Variants in DGAT2 observed in about 807,000 individuals in gnomAD.
DGAT2 encodes the protein diacylglycerol O-acyltransferase 2.
In DGAT2, 33 loss-of-function variants were observed where a neutral mutation model predicts 48.4. The observed-to-expected ratio is 0.68, with a 90% CI of 0.52 to 0.91. The LOEUF (loss-of-function observed/expected upper bound fraction) is 0.91, where lower values mean the gene tolerates loss of function less well. Ranked by LOEUF, DGAT2 falls within the 40% of genes least tolerant of loss-of-function variation. DGAT2 has a pLI of 0.00. For missense variants in DGAT2, 446 were observed against 493.7 expected (o/e 0.90, Z 0.92); for synonymous variants, 191 against 194.1 (o/e 0.98, Z 0.13).
chr11:75,771,652 C>G (rs1027133931), intron 1 of DGAT2, among the ~76,000 whole-genome samples: 4 of 152,122 alleles, frequency 2.6e-5, no homozygotes, highest in Admixed American at 2.6e-4. Context: ...TGAGGGTTGA[C>G]AGTCACCTAA....
intron 1 of DGAT2, among the ~76,000 whole-genome samples, chr11:75,781,139 T>G (rs1944858527): frequency 6.6e-6 from 1 of 152,210 alleles, no homozygotes; most frequent in Non-Finnish European, 1.5e-5. Context: ...GGGTCTGACT[T>G]TATCTTCAAA....
intron 1 of DGAT2, among the ~76,000 whole-genome samples, chr11:75,780,935 G>C (rs1944856835): frequency 6.6e-6 from 1 of 152,236 alleles, no homozygotes; most frequent in African/African-American, 2.4e-5. Context: ...AACTCCGGGG[G>C]CCTGAAGAGT....
chr11:75,770,362 G>T (rs772615089), intron 1 of DGAT2, among the ~76,000 whole-genome samples: 3 of 151,988 alleles, frequency 2.0e-5, no homozygotes, highest in South Asian at 2.1e-4. Flanking sequence ...GGTGCTGCTC[G>T]TAGCCCTTGA....
chr11:75,797,056 G>A (rs1254946376), intron 5 of DGAT2, 102 bp from the exon 6 acceptor site: 2 of 1,230,880 alleles, frequency 1.6e-6, no homozygotes, highest in Non-Finnish European at 2.2e-6. Context: ...TAGGTCTGGG[G>A]CCCAGGTCCA....
rs2135753570 is a variant in DGAT2 at position 75,768,799 on chromosome 11, G to C, written c.-193G>C. ...CAGCGCCGCGGCTGCCGCCTCTGCT[G>C]GGGTCTAGGCTGTTTCTCTCGCGCC... On this transcript the variant is annotated 5_prime_UTR_variant, in exon 1 of 8. Coordinates refer to ENST00000228027, the MANE Select transcript of DGAT2 (RefSeq NM_032564.5). 1.7e-6 allele frequency: 1 copy of C among 584,694 alleles called. No individual in the cohort carries two copies. Among genetic ancestry groups the C allele is most frequent in the Non-Finnish European group, 2.6e-6 (1 of 388,430 alleles). The allele number at this position is 584,694 out of a possible 1,614,324, so 36.2% of individuals were successfully genotyped here.
chr11:75,781,314 C>G (rs763765793), intron 1 of DGAT2, among the ~76,000 whole-genome samples: 1 of 152,230 alleles, frequency 6.6e-6, no homozygotes, highest in Non-Finnish European at 1.5e-5. Context: ...ATTGCTTTAT[C>G]TCATTATCAG....
At chr11:75,799,640 G>A (rs1945091478) in intron 7 of DGAT2, among the ~76,000 whole-genome samples, 1 of 151,008 alleles carries the variant, frequency 6.6e-6, no homozygotes, top group South Asian at 2.1e-4. Flanking sequence ...TTGAGACAGG[G>A]TCTCATTCTG....
chr11:75,798,393 G>A lies in DGAT2; in HGVS notation c.976G>A (p.Gly326Arg). 6.2e-7 allele frequency: 1 copy of A among 1,613,738 alleles called. No homozygotes were observed. Among genetic ancestry groups the A allele is most frequent in the Non-Finnish European group, 8.5e-7 (1 of 1,180,022 alleles). ...GRGLFSSDTW[G>R]LVPYSKPITT... ...AGGCCTCTTCTCCTCCGACACCTGG[G>A]GGCTGGTGCCCTACTCCAAGCCCAT... The change falls in exon 7 of 8, where the codon GGG (glycine) becomes AGG (arginine). Residue 326 changes from glycine to arginine, a missense_variant. By Grantham distance (125) the Gly-to-Arg change is moderately radical. Transcript: ENST00000228027.
intron 7 of DGAT2, among the ~76,000 whole-genome samples, chr11:75,799,625 T>A (rs959881814): frequency 3.3e-5 from 5 of 151,776 alleles, no homozygotes; most frequent in Non-Finnish European, 7.4e-5. Flanking sequence ...TTTTTTTTTT[T>A]ATTTTTGAGA....
chr11:75,791,521 A>C (rs1944990312), intron 4 of DGAT2, among the ~76,000 whole-genome samples: 1 of 152,218 alleles, frequency 6.6e-6, no homozygotes, highest in South Asian at 2.1e-4. Flanking sequence ...TTTTGGAGGT[A>C]AAGAAACTGA....
chr11:75,790,036 T>C, intron 2 of DGAT2, 152 bp from the exon 3 acceptor site: 1 of 657,418 alleles, frequency 1.5e-6, no homozygotes, highest in Non-Finnish European at 2.7e-6. Flanking sequence ...GGCTGAACAT[T>C]CCTGTAGCTA....
chr11:75,800,789 C>A lies in DGAT2; in HGVS notation c.*281C>A. 1 of 366,150 alleles carries A rather than the reference C, an allele frequency of 2.7e-6. No homozygotes were observed. Among genetic ancestry groups the A allele is most frequent in the Non-Finnish European group, 5.0e-6 (1 of 199,306 alleles). The allele number at this position is 366,150 out of a possible 1,614,324, so 22.7% of individuals were successfully genotyped here. ...CCTTCCTGAAGTGACAAAGGAAACT[C>A]AGTCTTCTTGGGGAAGAAGGATTGC... On this transcript the variant is annotated 3_prime_UTR_variant, in exon 8 of 8. Coordinates refer to ENST00000228027, the MANE Select transcript of DGAT2 (RefSeq NM_032564.5).
At chr11:75,775,390 T>G (rs979329500) in intron 1 of DGAT2, among the ~76,000 whole-genome samples, 2 of 152,242 alleles carry the variant, frequency 1.3e-5, no homozygotes, top group African/African-American at 4.8e-5. Context: ...CTCCAGTAGT[T>G]TGGCTTCCCC....
intron 1 of DGAT2, among the ~76,000 whole-genome samples, chr11:75,780,647 GC>G (rs1944852155): frequency 6.6e-6 from 1 of 152,136 alleles, no homozygotes. Flanking sequence ...TCCCCTTCCA[GC>G]TCCCCACCAC....
At position 75,768,839 on chromosome 11, in the gene DGAT2, G is replaced by A; in HGVS notation, c.-153G>A. The stretch of plus-strand genomic sequence containing the variant: ...TCTCTCGCGCCACCACTGGCCGCCG[G>A]CCGCAGCTCCAGGTGTCCTAGCCGC... On this transcript the variant is annotated 5_prime_UTR_variant, in exon 1 of 8. Coordinates refer to ENST00000228027, the MANE Select transcript of DGAT2 (RefSeq NM_032564.5). The A allele has an allele frequency of 9.8e-7, 1 of 1,019,940 alleles. No individual in the cohort carries two copies. The highest frequency in any genetic ancestry group is 1.3e-6 in the Non-Finnish European group (1 of 770,390). The allele number at this position is 1,019,940 out of a possible 1,614,324, so 63.2% of individuals were successfully genotyped here.
chr11:75,774,901 G>A (rs1482060010), intron 1 of DGAT2, among the ~76,000 whole-genome samples: 1 of 152,190 alleles, frequency 6.6e-6, no homozygotes, highest in African/African-American at 2.4e-5. Flanking sequence ...GGTGGGGGAA[G>A]TGGGCCCCTG....
At chr11:75,770,946 G>A (rs1214559771) in intron 1 of DGAT2, among the ~76,000 whole-genome samples, 2 of 152,258 alleles carry the variant, frequency 1.3e-5, no homozygotes, top group East Asian at 3.9e-4. Flanking sequence ...AGCACATTTT[G>A]TTATCTGGGC....
At chr11:75,774,916 C>T (rs1944790339) in intron 1 of DGAT2, among the ~76,000 whole-genome samples, 1 of 152,080 alleles carries the variant, frequency 6.6e-6, no homozygotes, top group South Asian at 2.1e-4. Context: ...CCCCTGGGGT[C>T]CTCAGCAATC....
At chr11:75,773,809 T>G (rs1944779702) in intron 1 of DGAT2, 2 of 152,246 alleles carry the variant, frequency 1.3e-5, no homozygotes, top group South Asian at 2.1e-4. Flanking sequence ...CAGGAAAGAC[T>G]GCCAAGAGGT....
Sources: allele counts gnomAD v4.1 joint callset (sites outside exome capture counted in the v4.1 genomes callset), GRCh38; gene constraint gnomAD v4.1.1; transcripts MANE v1.5; gene names NCBI Gene and HGNC (gene_info 2026-07-23, HGNC 2026-07-21).